Variants in PDE7B observed in about 807,000 individuals in gnomAD.
PDE7B encodes the protein phosphodiesterase 7B.
In PDE7B, 29 loss-of-function variants were observed where a neutral mutation model predicts 56.2. The observed-to-expected ratio is 0.52, with a 90% CI of 0.38 to 0.70. The LOEUF is 0.70. Ranked by LOEUF, PDE7B falls within the 30% of genes least tolerant of loss-of-function variation. The probability of loss-of-function intolerance (pLI) is 0.00; values close to 1 mark genes in which losing one functional copy is unlikely to be tolerated. For synonymous variants in PDE7B, 197 were observed against 196.9 expected, an observed-to-expected ratio of 1.00 and a Z score of 0.00; for missense variants, 490 against 565.0, an observed-to-expected ratio of 0.87 and a Z score of 1.35.
chr6:135,917,958 C>T (rs1194469555), intron 1 of PDE7B, among the ~76,000 whole-genome samples: 2 of 152,160 alleles, frequency 1.3e-5, no homozygotes, highest in African/African-American at 4.8e-5. Context: ...GTGGCCCTGG[C>T]ATCTTCATTT....
chr6:136,117,709 A>T (rs1289133005), intron 3 of PDE7B, among the ~76,000 whole-genome samples: 1 of 152,204 alleles, frequency 6.6e-6, no homozygotes, highest in Non-Finnish European at 1.5e-5. Flanking sequence ...CAGGCACAGG[A>T]TGTACAAGGC....
At chr6:135,978,898 G>A (rs1018546610) in intron 2 of PDE7B, among the ~76,000 whole-genome samples, 1 of 151,918 alleles carries the variant, frequency 6.6e-6, no homozygotes, top group Admixed American at 6.6e-5. Context: ...GCCCTGGCCA[G>A]AACTTCCAAC....
At chr6:135,948,583 C>T (rs2128199631) in intron 2 of PDE7B, among the ~76,000 whole-genome samples, 1 of 151,852 alleles carries the variant, frequency 6.6e-6, no homozygotes, top group Non-Finnish European at 1.5e-5. Context: ...AAACAAAAAC[C>T]AGACATCATA....
chr6:136,025,456 G>A (rs919194445), intron 2 of PDE7B, among the ~76,000 whole-genome samples: 4 of 152,090 alleles, frequency 2.6e-5, no homozygotes, highest in Admixed American at 6.5e-5. Context: ...ATAAGTACAT[G>A]GGCTTATTAA....
At chr6:135,906,356 T>C (rs562528940) in intron 1 of PDE7B, among the ~76,000 whole-genome samples, 20 of 152,374 alleles carry the variant, frequency 1.3e-4, no homozygotes, top group Middle Eastern at 3.4e-3. Context: ...CTTATAGATC[T>C]ACTGGCTATG....
chr6:135,996,275 G>T (rs1775562333), intron 2 of PDE7B, among the ~76,000 whole-genome samples: 1 of 152,098 alleles, frequency 6.6e-6, no homozygotes, highest in South Asian at 2.1e-4. Context: ...GGTTTTTCTA[G>T]ATTTCTAGAT....
intron 2 of PDE7B, among the ~76,000 whole-genome samples, chr6:136,011,727 T>C (rs143376059): frequency 6.6e-6 from 1 of 152,264 alleles, no homozygotes; most frequent in Non-Finnish European, 1.5e-5. Context: ...GTTGCTAACC[T>C]GATGAAACAG....
intron 2 of PDE7B, chr6:136,038,545 G>A: frequency 7.9e-7 from 1 of 1,260,552 alleles, no homozygotes; most frequent in Non-Finnish European, 1.0e-6. Flanking sequence ...TGACCATGGG[G>A]TGTAATAGGT....
At chr6:136,052,617 G>GCCCC (rs11400308) in intron 2 of PDE7B, among the ~76,000 whole-genome samples, 1 of 142,792 alleles carries the variant, frequency 7.0e-6, no homozygotes, top group Non-Finnish European at 1.5e-5. Context: ...TTAGGGTACA[G>GCCCC]CCCCCCCCCA....
chr6:135,893,218 C>G (rs891364438), intron 1 of PDE7B, among the ~76,000 whole-genome samples: 1 of 117,672 alleles, frequency 8.5e-6, no homozygotes, highest in African/African-American at 3.2e-5. Context: ...TCCCTCCCCC[C>G]TCCCCCCACC....
At chr6:135,972,958 T>A (rs1775118970) in intron 2 of PDE7B, among the ~76,000 whole-genome samples, 1 of 152,216 alleles carries the variant, frequency 6.6e-6, no homozygotes, top group South Asian at 2.1e-4. Flanking sequence ...TATTCTATTT[T>A]AATTTTACCT....
At position 136,074,194 on chromosome 6, in the gene PDE7B, C is replaced by T. The variant is rs1348826166; in HGVS notation, c.83-34537C>T. 2.0e-5 allele frequency among the ~76,000 whole-genome samples: 3 copies of T among 149,800 alleles called. No homozygotes were observed. In the East Asian group the frequency reaches 6.0e-4, roughly 30 times the overall value. On this transcript the variant is annotated intron_variant, in intron 2 of 12. Coordinates refer to ENST00000308191, the MANE Select transcript of PDE7B (RefSeq NM_018945.4). ...GTTGCAGTGAGCCAAGATCGCACCACTGCACTCTATCCTGGGTGACAGAGA... is the reference window on the plus strand; with the variant it reads ...GTTGCAGTGAGCCAAGATCGCACCATTGCACTCTATCCTGGGTGACAGAGA...
At chr6:135,856,512 T>G (rs147817711) in intron 1 of PDE7B, among the ~76,000 whole-genome samples, 1 of 152,186 alleles carries the variant, frequency 6.6e-6, no homozygotes, top group East Asian at 1.9e-4. Context: ...TTTTGGTGAA[T>G]TGATTGTCCA....
At chr6:136,050,334 A>G (rs756152727) in intron 2 of PDE7B, among the ~76,000 whole-genome samples, 6 of 151,976 alleles carry the variant, frequency 3.9e-5, no homozygotes, top group Non-Finnish European at 7.4e-5. Context: ...TGTCTAGGAG[A>G]GTCCCAAGCC....
At chr6:136,089,088 C>T (rs1777340775) in intron 2 of PDE7B, among the ~76,000 whole-genome samples, 2 of 152,060 alleles carry the variant, frequency 1.3e-5, no homozygotes. Context: ...ACTTCAGTAC[C>T]TCATTTTCTA....
At chr6:136,084,033 T>C (rs1777247858) in intron 2 of PDE7B, among the ~76,000 whole-genome samples, 1 of 152,196 alleles carries the variant, frequency 6.6e-6, no homozygotes, top group Non-Finnish European at 1.5e-5. Context: ...AAAGGACTTT[T>C]CTATGTAACA....
intron 2 of PDE7B, among the ~76,000 whole-genome samples, chr6:136,031,828 T>A (rs1189581928): frequency 6.6e-6 from 1 of 152,038 alleles, no homozygotes; most frequent in Non-Finnish European, 1.5e-5. Context: ...TCTTTCTATA[T>A]CTTATTAGTG....
chr6:135,894,040 G>T (rs1336149496), intron 1 of PDE7B, among the ~76,000 whole-genome samples: 2 of 152,128 alleles, frequency 1.3e-5, no homozygotes, highest in Non-Finnish European at 2.9e-5. Flanking sequence ...AGGCCACTAA[G>T]GTGATAGGTG....
intron 2 of PDE7B, among the ~76,000 whole-genome samples, chr6:135,983,628 G>A (rs987041672): frequency 6.6e-6 from 1 of 152,158 alleles, no homozygotes; most frequent in Non-Finnish European, 1.5e-5. Context: ...AATAGGAACT[G>A]TCTTTTTGTG....
Sources: gnomAD v4.1 joint callset for allele counts (sites outside exome capture counted in the v4.1 genomes callset) on GRCh38, gnomAD v4.1.1 for gene constraint, MANE v1.5 for transcripts, NCBI Gene and HGNC (gene_info 2026-07-23, HGNC 2026-07-21) for gene names.